STIM1: variants seen among roughly 807,000 people sequenced by gnomAD.
The protein encoded by STIM1 is stromal interaction molecule 1.
In STIM1, 25 loss-of-function variants were observed where a neutral mutation model predicts 74.7. The ratio of observed to expected loss-of-function variants is 0.33; its 90% CI spans 0.24 to 0.47. STIM1 has a LOEUF of 0.47. STIM1 is among the 20% of genes least tolerant of loss of function. STIM1 has a pLI of 1.00. For synonymous variants in STIM1, 328 were observed against 348.8 expected, an observed-to-expected ratio of 0.94 and a Z score of 0.66; for missense variants, 728 against 920.8, an observed-to-expected ratio of 0.79 and a Z score of 2.71.
chr11:4,077,936 A>T (rs2094446121), intron 7 of STIM1, among the ~76,000 whole-genome samples: 1 of 152,074 alleles, frequency 6.6e-6, no homozygotes, highest in Non-Finnish European at 1.5e-5. Context: ...CTTTTCCTGT[A>T]TTTCTCTTAA....
chr11:4,052,479 A>C (rs759834518), intron 3 of STIM1, among the ~76,000 whole-genome samples: 2 of 152,314 alleles, frequency 1.3e-5, no homozygotes, highest in Non-Finnish European at 1.5e-5. Context: ...CAAAAACAAG[A>C]AATGGGGAAA....
At chr11:4,053,689 C>T (rs534472603) in intron 3 of STIM1, among the ~76,000 whole-genome samples, 1 of 151,942 alleles carries the variant, frequency 6.6e-6, no homozygotes, top group South Asian at 2.1e-4. Flanking sequence ...ATGTAAAAAA[C>T]CTGCACATTG....
rs2090359515 is a variant in STIM1, at chr11:3,856,172, C to A, written c.-99C>A. 1.9e-6 allele frequency: 3 copies of A among 1,543,110 alleles called. No individual in the cohort carries two copies. Among genetic ancestry groups the A allele is most frequent in the Non-Finnish European group, 1.8e-6 (2 of 1,123,800 alleles). ...GACAGCTGCGGAGCCGCGAGGGCAT[C>A]TTGCCTGGAGACCGTCGGCTGCACT... On this transcript the variant is annotated 5_prime_UTR_variant, in exon 1 of 13. Transcript: ENST00000526596.
chr11:4,027,892 A>G (rs945892948), intron 3 of STIM1, among the ~76,000 whole-genome samples: 5 of 152,058 alleles, frequency 3.3e-5, no homozygotes. Flanking sequence ...GAGAAATAGA[A>G]TTACTGCTTG....
At chr11:3,945,429 A>T (rs542218238) in intron 1 of STIM1, among the ~76,000 whole-genome samples, 66 of 144,200 alleles carry the variant, frequency 4.6e-4, no homozygotes, top group African/African-American at 1.5e-3. Context: ...ATAAAAAAAT[A>T]AAAAAAAAAA....
At chr11:3,948,301 C>G (rs1350206762) in intron 1 of STIM1, among the ~76,000 whole-genome samples, 1 of 151,804 alleles carries the variant, frequency 6.6e-6, no homozygotes, top group Non-Finnish European at 1.5e-5. Context: ...GGTCAGTTTC[C>G]CATATATCTC....
chr11:4,030,701 T>C (rs2094042725), intron 3 of STIM1, among the ~76,000 whole-genome samples: 1 of 152,204 alleles, frequency 6.6e-6, no homozygotes. Context: ...AGCATCCATG[T>C]AGTGATTTAA....
intron 1 of STIM1, among the ~76,000 whole-genome samples, chr11:3,881,983 A>C (rs1369855073): frequency 6.7e-6 from 1 of 150,222 alleles, no homozygotes; most frequent in Non-Finnish European, 1.5e-5. Context: ...TGATCATATG[A>C]TTATAATGGG....
chr11:4,006,907 C>G (rs2093787641), intron 2 of STIM1, among the ~76,000 whole-genome samples: 1 of 152,070 alleles, frequency 6.6e-6, no homozygotes, highest in African/African-American at 2.4e-5. Flanking sequence ...TAAGGAAGAA[C>G]CCAGGAAAGC....
intron 3 of STIM1, among the ~76,000 whole-genome samples, chr11:4,032,009 T>C (rs1246809906): frequency 6.6e-6 from 1 of 152,262 alleles, no homozygotes; most frequent in Non-Finnish European, 1.5e-5. Context: ...TTTTATGTTT[T>C]ACATTTAGGT....
intron 1 of STIM1, among the ~76,000 whole-genome samples, chr11:3,886,498 A>G (rs2091709334): frequency 6.6e-6 from 1 of 151,636 alleles, no homozygotes; most frequent in Non-Finnish European, 1.5e-5. Context: ...ACCACCCTGG[A>G]TAACATGGTG....
At chr11:4,054,591 G>A (rs1441664293) in intron 3 of STIM1, among the ~76,000 whole-genome samples, 2 of 152,088 alleles carry the variant, frequency 1.3e-5, no homozygotes, top group African/African-American at 2.4e-5. Flanking sequence ...TCTAGGTTAC[G>A]TGCTTCTTAT....
At chr11:4,028,067 T>A (rs2094012768) in intron 3 of STIM1, among the ~76,000 whole-genome samples, 1 of 152,172 alleles carries the variant, frequency 6.6e-6, no homozygotes, top group Non-Finnish European at 1.5e-5. Context: ...TTTTAAATGA[T>A]GCTATCTGCC....
At chr11:3,973,276 C>G (rs996343004) in intron 2 of STIM1, 1 of 481,960 alleles carries the variant, frequency 2.1e-6, no homozygotes. Flanking sequence ...CCAAAACCAC[C>G]TCCACGACCA....
chr11:4,005,098 G>A (rs1307542321), intron 2 of STIM1, among the ~76,000 whole-genome samples: 1 of 152,202 alleles, frequency 6.6e-6, no homozygotes, highest in Non-Finnish European at 1.5e-5. Flanking sequence ...TGCTGGAGAG[G>A]ATGTGGAATA....
chr11:3,961,305 T>A, intron 1 of STIM1: 1 of 239,966 alleles, frequency 4.2e-6, no homozygotes, highest in Non-Finnish European at 9.1e-6. Flanking sequence ...ATTTTGACAG[T>A]GTTGCAGAAG....
At chr11:4,048,716 A>T (rs2094213193) in intron 3 of STIM1, among the ~76,000 whole-genome samples, 1 of 151,958 alleles carries the variant, frequency 6.6e-6, no homozygotes, top group South Asian at 2.1e-4. Flanking sequence ...CAATACAGAT[A>T]TAAAAATTAT....
At chr11:4,048,009 C>G (rs2094207630) in intron 3 of STIM1, among the ~76,000 whole-genome samples, 1 of 152,060 alleles carries the variant, frequency 6.6e-6, no homozygotes, top group African/African-American at 2.4e-5. Flanking sequence ...TTAGTAGAGA[C>G]AGGGTTTCAG....
intron 1 of STIM1, among the ~76,000 whole-genome samples, chr11:3,953,022 C>T (rs966768611): frequency 6.6e-6 from 1 of 152,026 alleles, no homozygotes; most frequent in Non-Finnish European, 1.5e-5. Flanking sequence ...CTTGTGAGAT[C>T]AAAATTTGAA....
Sources: gnomAD v4.1 joint callset for allele counts (sites outside exome capture counted in the v4.1 genomes callset) on GRCh38, gnomAD v4.1.1 for gene constraint, MANE v1.5 for transcripts, NCBI Gene and HGNC (gene_info 2026-07-23, HGNC 2026-07-21) for gene names.